The following PCDH15 variants were observed in gnomAD, a reference collection of about 807,000 sequenced individuals.
The protein encoded by PCDH15 is protocadherin related 15.
PCDH15 carries 129 observed loss-of-function variants against 178.5 expected under a neutral mutation model. That is an observed-to-expected ratio of 0.72 (90% CI 0.63 to 0.84). The LOEUF (loss-of-function observed/expected upper bound fraction) is 0.84, where lower values mean the gene tolerates loss of function less well. Among genes scored for constraint, PCDH15 ranks in the 40% least tolerant of loss-of-function variants. PCDH15 has a pLI of 0.00. For missense variants in PCDH15, 2,230 were observed against 2,099.9 expected, an observed-to-expected ratio of 1.06 and a Z score of -1.21; for synonymous variants, 800 against 732.0, an observed-to-expected ratio of 1.09 and a Z score of -1.50.
intron 18 of PCDH15, 143 bp from the exon 19 acceptor site, chr10:54,023,340 A>G (rs905560902): frequency 2.9e-6 from 2 of 694,682 alleles, no homozygotes; most frequent in African/African-American, 3.6e-5. Context: ...ATGACAATAC[A>G]ATGCAAAATT....
At chr10:54,491,391 G>A (rs1034886497) in intron 3 of PCDH15, among the ~76,000 whole-genome samples, 8 of 150,850 alleles carry the variant, frequency 5.3e-5, no homozygotes, top group Admixed American at 1.3e-4. Context: ...GTTAACAACT[G>A]GAAAATTCTG....
intron 9 of PCDH15, among the ~76,000 whole-genome samples, chr10:54,214,705 C>A (rs768589677): frequency 1.3e-5 from 2 of 152,104 alleles, no homozygotes; most frequent in African/African-American, 4.8e-5. Context: ...GGTTCCCCTG[C>A]CTCAGCCCCC....
chr10:54,770,884 CAT>C (rs1007795465), intron 1 of PCDH15, among the ~76,000 whole-genome samples: 3 of 151,962 alleles, frequency 2.0e-5, no homozygotes, highest in Non-Finnish European at 4.4e-5. Flanking sequence ...ATTTACTTTG[CAT>C]ATGTGTCCTC....
intron 2 of PCDH15, among the ~76,000 whole-genome samples, chr10:54,907,599 AG>A (rs1954747462): frequency 1.3e-5 from 2 of 152,120 alleles, no homozygotes; most frequent in South Asian, 4.1e-4. Flanking sequence ...GTCATTGTTA[AG>A]GCCCCCTGGG....
At chr10:55,368,402 A>T (rs1845418322) in intron 2 of PCDH15, among the ~76,000 whole-genome samples, 1 of 152,166 alleles carries the variant, frequency 6.6e-6, no homozygotes, top group Non-Finnish European at 1.5e-5. Flanking sequence ...ACCACATATA[A>T]AGACCCCTGA....
At chr10:54,088,250 T>G (rs1374603850) in intron 16 of PCDH15, among the ~76,000 whole-genome samples, 1 of 152,202 alleles carries the variant, frequency 6.6e-6, no homozygotes, top group Non-Finnish European at 1.5e-5. Flanking sequence ...ACACAAAGTA[T>G]GTATGAAGTC....
At chr10:54,908,989 T>C (rs547522956) in intron 2 of PCDH15, among the ~76,000 whole-genome samples, 1 of 152,198 alleles carries the variant, frequency 6.6e-6, no homozygotes, top group Middle Eastern at 3.4e-3. Flanking sequence ...GGGTAACTTC[T>C]CTCTGCTAGG....
intron 3 of PCDH15, among the ~76,000 whole-genome samples, chr10:54,426,384 C>T (rs1224938540): frequency 6.6e-6 from 1 of 152,110 alleles, no homozygotes; most frequent in Non-Finnish European, 1.5e-5. Context: ...CAACCTAGAT[C>T]ACTTGCATGC....
intron 23 of PCDH15, among the ~76,000 whole-genome samples, chr10:53,952,829 T>C (rs7915856): frequency 0.67 from 102,256 of 152,244 alleles, 34,854 homozygotes; most frequent in East Asian, 0.87. Flanking sequence ...GGCAAGGGGC[T>C]GGTATGTCAG....
intron 10 of PCDH15, among the ~76,000 whole-genome samples, chr10:54,204,511 A>G (rs892760835): frequency 2.0e-5 from 3 of 152,136 alleles, no homozygotes; most frequent in Non-Finnish European, 4.4e-5. Context: ...TCTGGTTGTT[A>G]GTTACATGAT....
chr10:53,807,140 T>A lies in PCDH15; in HGVS notation c.4672-10A>T. The A allele has an allele frequency of 1.3e-6, 2 of 1,567,176 alleles. No homozygotes were observed. Among genetic ancestry groups the A allele is most frequent in the Admixed American group, 1.9e-5 (1 of 52,762 alleles). On this transcript the variant is annotated splice_polypyrimidine_tract_variant and intron_variant, in intron 37 of 37. Coordinates refer to ENST00000644397, the MANE Select transcript of PCDH15 (RefSeq NM_001384140.1). Reference sequence around the variant, plus strand: ...TTCTTTTTCTTGCCCACTGATAAAATAAACAAAAATATGTGAGTCACTATC... The same window carrying A: ...TTCTTTTTCTTGCCCACTGATAAAAAAAACAAAAATATGTGAGTCACTATC...
At chr10:53,847,525 C>T (rs1384818971) in intron 28 of PCDH15, among the ~76,000 whole-genome samples, 1 of 152,066 alleles carries the variant, frequency 6.6e-6, no homozygotes, top group African/African-American at 2.4e-5. Context: ...TTGTTCATTA[C>T]ATTACATGGT....
At chr10:54,973,532 G>C (rs1177524032) in intron 2 of PCDH15, among the ~76,000 whole-genome samples, 1 of 152,194 alleles carries the variant, frequency 6.6e-6, no homozygotes, top group Non-Finnish European at 1.5e-5. Flanking sequence ...TCCCACTTTA[G>C]AATGCCCTAA....
intron 20 of PCDH15, among the ~76,000 whole-genome samples, chr10:54,005,665 C>A (rs1488288087): frequency 6.6e-6 from 1 of 151,926 alleles, no homozygotes; most frequent in Non-Finnish European, 1.5e-5. Context: ...ATGGCAAATG[C>A]TAATAAGGAT....
intron 1 of PCDH15, among the ~76,000 whole-genome samples, chr10:55,287,112 C>A (rs1213821663): frequency 6.6e-6 from 1 of 151,714 alleles, no homozygotes; most frequent in Non-Finnish European, 1.5e-5. Flanking sequence ...TAAATATTCA[C>A]AATAAGAAAA....
chr10:53,869,757 T>C (rs552759796), intron 26 of PCDH15, among the ~76,000 whole-genome samples: 78 of 152,072 alleles, frequency 5.1e-4, no homozygotes, highest in South Asian at 2.3e-3. Context: ...GCCTGCACAA[T>C]ATAGTGAAAC....
chr10:54,984,389 C>A (rs1430230525), intron 2 of PCDH15, among the ~76,000 whole-genome samples: 2 of 152,170 alleles, frequency 1.3e-5, no homozygotes, highest in Non-Finnish European at 2.9e-5. Context: ...AGAGATCCTG[C>A]CCCATGCCTG....
intron 1 of PCDH15, among the ~76,000 whole-genome samples, chr10:55,283,456 C>T (rs1047605091): frequency 3.9e-5 from 6 of 151,944 alleles, no homozygotes; most frequent in African/African-American, 1.4e-4. Flanking sequence ...ATGAATTAAA[C>T]TCTTTCTCTA....
intron 6 of PCDH15, among the ~76,000 whole-genome samples, chr10:54,333,413 A>C (rs1396452026): frequency 2.0e-5 from 3 of 152,148 alleles, no homozygotes; most frequent in African/African-American, 7.2e-5. Context: ...ATGTAGAATA[A>C]TAATCAAGAA....
Sources: allele counts gnomAD v4.1 joint callset (sites outside exome capture counted in the v4.1 genomes callset), GRCh38; gene constraint gnomAD v4.1.1; transcripts MANE v1.5; gene names NCBI Gene and HGNC (gene_info 2026-07-23, HGNC 2026-07-21).